Variants in RAPGEF1 observed in about 807,000 individuals in gnomAD.
RAPGEF1 encodes the protein CRK SH3-binding GNRP.
In RAPGEF1, 33 loss-of-function variants were observed where a neutral mutation model predicts 143.3. The observed-to-expected ratio is 0.23, with a 90% CI of 0.17 to 0.31. The LOEUF (loss-of-function observed/expected upper bound fraction) is 0.31. RAPGEF1 is among the 10% of genes least tolerant of loss of function. RAPGEF1 has a pLI of 1.00. For synonymous variants in RAPGEF1, 629 were observed against 676.5 expected (o/e 0.93, Z 1.09); for missense variants, 1,199 against 1,645.4 (o/e 0.73, Z 4.69).
intron 1 of RAPGEF1, among the ~76,000 whole-genome samples, chr9:131,707,840 T>C (rs1362382982): frequency 6.6e-6 from 1 of 152,216 alleles, no homozygotes; most frequent in Non-Finnish European, 1.5e-5. Flanking sequence ...CCTTAAATAC[T>C]TCAGCATGAC....
At chr9:131,620,393 AC>A (rs1042459676) in intron 11 of RAPGEF1, among the ~76,000 whole-genome samples, 10 of 151,822 alleles carry the variant, frequency 6.6e-5, no homozygotes, top group Admixed American at 1.3e-4. Flanking sequence ...ATGTGCCACC[AC>A]CACTCCTGGC....
At chr9:131,730,556 G>A (rs1208455240) in intron 1 of RAPGEF1, among the ~76,000 whole-genome samples, 4 of 151,748 alleles carry the variant, frequency 2.6e-5, no homozygotes, top group Admixed American at 2.0e-4. Context: ...TTAGCCGGGC[G>A]TGGTGGCGGG....
chr9:131,719,155 G>A (rs762307026), intron 1 of RAPGEF1, among the ~76,000 whole-genome samples: 7 of 152,108 alleles, frequency 4.6e-5, no homozygotes, highest in Non-Finnish European at 1.0e-4. Flanking sequence ...TTCACGTTCT[G>A]GATGCTTAGT....
intron 1 of RAPGEF1, among the ~76,000 whole-genome samples, chr9:131,711,102 G>A (rs533117767): frequency 2.7e-5 from 4 of 150,668 alleles, no homozygotes; most frequent in South Asian, 2.1e-4. Context: ...CCAGGCTGGC[G>A]TGCAGTGGTG....
At chr9:131,604,889 T>G (rs1247231107) in intron 13 of RAPGEF1, 42 bp downstream of exon 13, 4 of 610,226 alleles carry the variant, frequency 6.6e-6, no homozygotes, top group African/African-American at 2.0e-5. Flanking sequence ...TGCAGGGGTG[T>G]GTGTGTGTGT....
At chr9:131,731,846 G>A (rs1010392347) in intron 1 of RAPGEF1, among the ~76,000 whole-genome samples, 1 of 152,222 alleles carries the variant, frequency 6.6e-6, no homozygotes, top group African/African-American at 2.4e-5. Flanking sequence ...CTGCTGCTAA[G>A]GGACTGTGGG....
intron 1 of RAPGEF1, among the ~76,000 whole-genome samples, chr9:131,695,186 C>T (rs559490715): frequency 1.3e-4 from 20 of 152,272 alleles, no homozygotes; most frequent in Middle Eastern, 3.4e-3. Context: ...AATGCATGAA[C>T]GTGCTTCTTC....
At chr9:131,597,703 T>C (rs1955539817) in intron 16 of RAPGEF1, among the ~76,000 whole-genome samples, 1 of 152,124 alleles carries the variant, frequency 6.6e-6, no homozygotes, top group South Asian at 2.1e-4. Flanking sequence ...GAATCCACAG[T>C]GTCCAGGCCT....
At chr9:131,632,594 G>A (rs1177646484) in intron 5 of RAPGEF1, among the ~76,000 whole-genome samples, 1 of 152,126 alleles carries the variant, frequency 6.6e-6, no homozygotes, top group Non-Finnish European at 1.5e-5. Flanking sequence ...TTGATAATAT[G>A]TATCAATTAC....
At chr9:131,607,239 AC>A (rs1330996101) in intron 12 of RAPGEF1, among the ~76,000 whole-genome samples, 1 of 152,224 alleles carries the variant, frequency 6.6e-6, no homozygotes, top group Non-Finnish European at 1.5e-5. Flanking sequence ...ACACTCAGGT[AC>A]CTGTACAAGT....
Position 131,605,023 on chromosome 9 carries a change from T to C in RAPGEF1, c.2227A>G (p.Ser743Gly). 1 of 1,362,580 alleles carries C rather than the reference T, an allele frequency of 7.3e-7. No individual in the cohort carries two copies. Among genetic ancestry groups the C allele is most frequent in the Non-Finnish European group, 9.8e-7 (1 of 1,020,332 alleles). The allele number at this position is 1,362,580 out of a possible 1,614,324, so 84.4% of individuals were successfully genotyped here. Residue 743 changes from serine (S) to glycine (G), a missense_variant, in exon 13 of 27, where the codon AGC (serine) becomes GGC (glycine). Physicochemically the swap from Ser to Gly is moderately conservative, Grantham distance 56. This residue lies in a region of RAPGEF1 where 293 missense variants were observed against 356.2 expected (regional missense o/e 0.82). Coordinates refer to ENST00000683357, the MANE Select transcript of RAPGEF1 (RefSeq NM_001377935.1). ...GCCGAGAGAGGCCCGTCCACGGTGCTGGGAGGTGGACCGGCCATGGTTGGC... is the reference window on the plus strand; with the variant it reads ...GCCGAGAGAGGCCCGTCCACGGTGCCGGGAGGTGGACCGGCCATGGTTGGC... Reference protein sequence around the residue: ...AVPTMAGPPPSTVDGPLSASQ... With the variant: ...AVPTMAGPPPGTVDGPLSASQ...
chr9:131,737,093 C>A (rs761698386), intron 1 of RAPGEF1, among the ~76,000 whole-genome samples: 4 of 152,196 alleles, frequency 2.6e-5, no homozygotes, highest in Admixed American at 1.3e-4. Context: ...CACTATGATT[C>A]CTATGAACTG....
Position 131,626,161 on chromosome 9 carries a change from C to T in RAPGEF1, c.1463G>A (p.Gly488Asp). The T allele has an allele frequency of 6.2e-7, 1 of 1,613,882 alleles. No homozygotes were observed. The highest frequency in any genetic ancestry group is 8.5e-7 in the Non-Finnish European group (1 of 1,179,876). Residue 488 changes from glycine (G) to aspartate (D), a missense_variant, in exon 10 of 27, where the codon GGC becomes GAC. This residue lies in a region of RAPGEF1 where 613 missense variants were observed against 710.9 expected (regional missense o/e 0.86). Coordinates refer to ENST00000683357, the MANE Select transcript of RAPGEF1 (RefSeq NM_001377935.1). The part of the protein sequence containing the change: ...RRSAASQTAD[G>D]SGCRVSYERH... ...CTCGTAGGACACCCTGCAGCCAGAG[C>T]CGTCCGCCGTCTGGGAGGCTGCGCT...
At chr9:131,707,933 A>G (rs749772887) in intron 1 of RAPGEF1, among the ~76,000 whole-genome samples, 3 of 152,136 alleles carry the variant, frequency 2.0e-5, no homozygotes, top group Non-Finnish European at 2.9e-5. Context: ...ATTATAATCC[A>G]CCATGGAGTT....
chr9:131,688,880 A>G (rs896590971), intron 1 of RAPGEF1, among the ~76,000 whole-genome samples: 2 of 152,268 alleles, frequency 1.3e-5, no homozygotes, highest in Admixed American at 1.3e-4. Context: ...CCTGGGCCAT[A>G]GAACGAAACT....
chr9:131,636,255 C>T (rs1468209162), intron 5 of RAPGEF1, among the ~76,000 whole-genome samples: 1 of 152,198 alleles, frequency 6.6e-6, no homozygotes, highest in Admixed American at 6.5e-5. Context: ...TCTCTCATTG[C>T]CTGGCATATA....
chr9:131,594,089 C>T (rs1001137488), intron 17 of RAPGEF1, among the ~76,000 whole-genome samples: 33 of 152,160 alleles, frequency 2.2e-4, no homozygotes, highest in African/African-American at 5.3e-4. Context: ...AGCAATGTGG[C>T]GGGGTCGGCG....
In RAPGEF1 at chr9:131,650,176, C is replaced by T. The variant is rs1970723901; in HGVS notation, c.268G>A (p.Glu90Lys). 3.7e-6 allele frequency: 6 copies of T among 1,613,962 alleles called. No homozygotes were observed. Among genetic ancestry groups the T allele is most frequent in the Non-Finnish European group, 5.1e-6 (6 of 1,179,858 alleles). The part of the protein sequence containing the change: ...LPLDLEQQAV[E>K]FMSTSAVASR... ...GCCACAGCACTGGTGGACATAAATT[C>T]TACTGCCTGCTGCTCCAGATCCAAG... is the stretch of plus-strand genomic sequence containing the variant. Residue 90 changes from glutamate (E) to lysine (K), a missense_variant, in exon 3 of 27, where the codon GAA (glutamate) becomes AAA (lysine). This residue lies in a region of RAPGEF1 where 613 missense variants were observed against 710.9 expected (regional missense o/e 0.86). Coordinates refer to ENST00000683357, the MANE Select transcript of RAPGEF1 (RefSeq NM_001377935.1). This position sits in a 1 kb window ranked among gnomAD's most constrained non-coding sequence, Gnocchi z 4.7.
At chr9:131,696,482 G>C (rs542731467) in intron 1 of RAPGEF1, among the ~76,000 whole-genome samples, 1 of 152,190 alleles carries the variant, frequency 6.6e-6, no homozygotes, top group Admixed American at 6.5e-5. Context: ...GATGACCTCC[G>C]ATGTACACTG....
Sources: allele counts gnomAD v4.1 joint callset (sites outside exome capture counted in the v4.1 genomes callset), GRCh38; gene constraint gnomAD v4.1.1; regional missense constraint gnomAD v4.1.1; non-coding constraint Gnocchi (gnomAD v3.1); transcripts MANE v1.5; gene names NCBI Gene and HGNC (gene_info 2026-07-23, HGNC 2026-07-21).